LAMA3: variants seen among roughly 807,000 people sequenced by gnomAD.
LAMA3 encodes laminin subunit alpha-3.
LAMA3 carries 281 observed loss-of-function variants against 402.0 expected under a neutral mutation model. That is an observed-to-expected ratio of 0.70 (90% CI 0.63 to 0.77). LAMA3 has a LOEUF of 0.77. Ranked by LOEUF, LAMA3 falls within the 30% of genes least tolerant of loss-of-function variation. The pLI is 0.00. For missense variants in LAMA3, 3,840 were observed against 4,215.5 expected, an observed-to-expected ratio of 0.91 and a Z score of 2.47; for synonymous variants, 1,431 against 1,558.4, an observed-to-expected ratio of 0.92 and a Z score of 1.93.
At position 23,782,467 on chromosome 18, in the gene LAMA3, C is replaced by T. The variant is rs1249716682; in HGVS notation, c.1469-1556C>T. On this transcript the variant is annotated intron_variant, in intron 11 of 74. Transcript: ENST00000313654. ...ACTCGGGAGGCTGAGGCATGATAAT[C>T]GCTTGAACCCAGGAGGCAGAGGTTA... Among the ~76,000 whole-genome samples the T allele has an allele frequency of 2.6e-4, 40 of 152,068 alleles. 1 individual carries two copies. The highest frequency in any genetic ancestry group is 2.6e-3 in the Admixed American group (39 of 15,274).
chr18:23,901,195 C>T lies in LAMA3; in HGVS notation c.6073C>T (p.Arg2025Trp), dbSNP rs370188105. The stretch of plus-strand genomic sequence containing the variant: ...GAACAATGGGCTTGCTAACAGTATC[C>T]GGGATTCTTTAAATGAATACGAAGC... ...GENNGLANSI[R>W]DSLNEYEAKL... Residue 2025 changes from arginine to tryptophan, a missense_variant, in exon 48 of 75, where the codon CGG becomes TGG. Around this residue, in one of 3 missense-constraint regions of LAMA3, gnomAD observed 891 missense variants for 857.5 expected, o/e 1.04. Coordinates refer to ENST00000313654, the MANE Select transcript of LAMA3 (RefSeq NM_198129.4). 1.5e-5 allele frequency: 25 copies of T among 1,614,004 alleles called. No individual in the cohort carries two copies. The highest frequency in any genetic ancestry group is 6.7e-5 in the East Asian group (3 of 44,902).
chr18:23,697,487 TC>T (rs1209277979), intron 1 of LAMA3, among the ~76,000 whole-genome samples: 2 of 152,140 alleles, frequency 1.3e-5, no homozygotes, highest in Admixed American at 6.5e-5. Context: ...CTGAGGCTCT[TC>T]CCAGGTGCCT....
At chr18:23,736,431 G>T (rs1444438082) in intron 2 of LAMA3, among the ~76,000 whole-genome samples, 2 of 151,010 alleles carry the variant, frequency 1.3e-5, no homozygotes, top group African/African-American at 4.9e-5. Context: ...TGATCATATT[G>T]TCCCATTTCA....
intron 1 of LAMA3, among the ~76,000 whole-genome samples, chr18:23,705,744 C>G (rs887476179): frequency 2.0e-5 from 3 of 152,144 alleles, no homozygotes; most frequent in East Asian, 1.9e-4. Flanking sequence ...TCTTGAACTC[C>G]TGAGCTCAAG....
chr18:23,815,436 C>G lies in LAMA3; in HGVS notation c.1942-32C>G, dbSNP rs376907331. 4 of 1,549,206 alleles carry G rather than the reference C, an allele frequency of 2.6e-6. No homozygotes were observed. In the African/African-American group the frequency reaches 5.4e-5, roughly 21 times the overall value. ...AGATTAGTGAATTCTGTAATTATAT[C>G]AAATGTTGTCATCTGGCTCACTGTT... On this transcript the variant is annotated intron_variant, in intron 16 of 74. Coordinates refer to ENST00000313654, the MANE Select transcript of LAMA3 (RefSeq NM_198129.4).
intron 12 of LAMA3, among the ~76,000 whole-genome samples, chr18:23,800,736 A>C (rs1007610221): frequency 1.3e-5 from 2 of 152,034 alleles, no homozygotes; most frequent in East Asian, 3.8e-4. Flanking sequence ...ACTTCTATGA[A>C]CTCAAATTCT....
At chr18:23,710,321 G>A (rs898571960) in intron 1 of LAMA3, 12 of 465,170 alleles carry the variant, frequency 2.6e-5, no homozygotes, top group African/African-American at 2.4e-4. Context: ...ATTTTCAAAA[G>A]TATTGTCAGG....
intron 12 of LAMA3, among the ~76,000 whole-genome samples, chr18:23,807,068 G>A (rs57545046): frequency 0.029 from 4,487 of 152,168 alleles, 217 homozygotes; most frequent in African/African-American, 0.1. Flanking sequence ...ACATCACACC[G>A]ATGACTATCA....
intron 48 of LAMA3, among the ~76,000 whole-genome samples, 154 bp downstream of exon 48, chr18:23,901,477 C>CA (rs2081070404): frequency 6.6e-6 from 1 of 152,198 alleles, no homozygotes; most frequent in African/African-American, 2.4e-5. Context: ...GCGTTAAGTG[C>CA]AAAACCATAG....
intron 62 of LAMA3, among the ~76,000 whole-genome samples, chr18:23,923,633 C>T (rs1004630335): frequency 2.0e-5 from 3 of 152,124 alleles, no homozygotes; most frequent in Admixed American, 6.5e-5. Flanking sequence ...CACAAGCAGG[C>T]GCACAAAATG....
At chr18:23,930,534 G>GC (rs1351087268) in intron 64 of LAMA3, among the ~76,000 whole-genome samples, 1 of 152,130 alleles carries the variant, frequency 6.6e-6, no homozygotes, top group Non-Finnish European at 1.5e-5. Flanking sequence ...TATCTCTTGA[G>GC]CCCAGGGGTC....
intron 12 of LAMA3, among the ~76,000 whole-genome samples, chr18:23,798,719 A>G (rs906494175): frequency 5.9e-5 from 9 of 152,182 alleles, no homozygotes; most frequent in Non-Finnish European, 1.2e-4. Flanking sequence ...TGTAGATTTA[A>G]TTCATCCAAA....
intron 11 of LAMA3, among the ~76,000 whole-genome samples, chr18:23,783,623 T>C (rs556394157): frequency 6.6e-6 from 1 of 152,312 alleles, no homozygotes; most frequent in South Asian, 2.1e-4. Context: ...TGATATGTAG[T>C]AGGGCTGAAT....
In LAMA3 at chr18:23,779,511, C is replaced by T. The variant is rs556975191; in HGVS notation, c.1468+1892C>T. 1.6e-4 allele frequency among the ~76,000 whole-genome samples: 24 copies of T among 151,856 alleles called. No homozygotes were observed. The South Asian group carries it at 1.9e-3, about 12-fold the overall frequency. On this transcript the variant is annotated intron_variant, in intron 11 of 74. Transcript: ENST00000313654. ...GCTCTGGGGTGACTCCAAGGCTTTT[C>T]GGCTGAGCAGTTAGAAGGAAGAAGT...
intron 1 of LAMA3, among the ~76,000 whole-genome samples, chr18:23,707,353 A>T (rs1438521859): frequency 2.0e-5 from 3 of 152,346 alleles, no homozygotes; most frequent in South Asian, 2.1e-4. Context: ...GCTGGCTTCC[A>T]AGAGGAAGGA....
chr18:23,696,363 A>G lies in LAMA3; in HGVS notation c.294+6386A>G, dbSNP rs143363589. Among the ~76,000 whole-genome samples the G allele has an allele frequency of 1.6e-3, 248 of 152,312 alleles. 4 individuals carry two copies. In the East Asian group the frequency reaches 0.041, roughly 25 times the overall value. On this transcript the variant is annotated intron_variant, in intron 1 of 74. Transcript: ENST00000313654. ...ACTTCATTAGGAAAATCACTAAATA[A>G]GCTTGTTATAAACTTATTGAGTTCT...
At chr18:23,920,818 A>G (rs1170988242) in intron 60 of LAMA3, 117 bp from the exon 61 acceptor site, 2 of 1,246,816 alleles carry the variant, frequency 1.6e-6, no homozygotes, top group East Asian at 2.3e-5. Context: ...ATCCCTTTTC[A>G]CTGAGGCAGC....
chr18:23,873,122 G>C lies in LAMA3; in HGVS notation c.4998+1461G>C, dbSNP rs2144831380. ...TTGGGGCAGCCCTGGGGCAGTGTCTGGGCTACAGTTCACAGCAGCAAAGGG... is the reference window on the plus strand; with the variant it reads ...TTGGGGCAGCCCTGGGGCAGTGTCTCGGCTACAGTTCACAGCAGCAAAGGG... On this transcript the variant is annotated intron_variant, in intron 38 of 74. Transcript: ENST00000313654. The C allele has an allele frequency of 6.2e-7, 1 of 1,614,210 alleles. No homozygotes were observed. Among genetic ancestry groups the C allele is most frequent in the Non-Finnish European group, 8.5e-7 (1 of 1,180,030 alleles).
At chr18:23,701,486 A>G (rs1204646191) in intron 1 of LAMA3, among the ~76,000 whole-genome samples, 1 of 152,214 alleles carries the variant, frequency 6.6e-6, no homozygotes, top group Non-Finnish European at 1.5e-5. Flanking sequence ...ATCAGTCTGC[A>G]ATTACTGCCT....
Sources: allele counts gnomAD v4.1 joint callset (sites outside exome capture counted in the v4.1 genomes callset), GRCh38; gene constraint gnomAD v4.1.1; regional missense constraint gnomAD v4.1.1; transcripts MANE v1.5; gene names NCBI Gene and HGNC (gene_info 2026-07-23, HGNC 2026-07-21).